Variants in NSF observed in about 807,000 individuals in gnomAD.
NSF encodes the protein vesicle-fusing ATPase.
NSF carries 14 observed loss-of-function variants against 50.3 expected under a neutral mutation model. That is an observed-to-expected ratio of 0.28 (90% confidence interval 0.18 to 0.44). The LOEUF (loss-of-function observed/expected upper bound fraction) is 0.44. NSF is among the 20% of genes least tolerant of loss of function. NSF has a pLI of 1.00. For missense variants in NSF, 218 were observed against 504.3 expected, an observed-to-expected ratio of 0.43 and a Z score of 5.44; for synonymous variants, 109 against 175.7, an observed-to-expected ratio of 0.62 and a Z score of 3.00.
At position 46,703,680 on chromosome 17, in the gene NSF, C is replaced by CAAAAAAAAAAAAAA. The variant is rs149212597; in HGVS notation, c.1375-1068_1375-1055dup. Among the ~76,000 whole-genome samples, 143 of 37,186 alleles carry CAAAAAAAAAAAAAA rather than the reference C, an allele frequency of 3.8e-3. 1 individual carries two copies. The highest frequency in any genetic ancestry group is 4.8e-3 in the South Asian group (4 of 836). 24.4% of individuals were successfully genotyped at this position (37,186 alleles called of 152,430 possible). The stretch of plus-strand genomic sequence containing the variant: ...TGGGGGACAGAGTGAGACTCCGTCT[C>CAAAAAAAAAAAAAA]AAAAAAAAAAAAAAAAAAAAAAAAC... On this transcript the variant is annotated intron_variant, in intron 12 of 20. Transcript: ENST00000398238.
chr17:46,723,387 T>C (rs953502434), intron 15 of NSF, among the ~76,000 whole-genome samples: 1 of 152,230 alleles, frequency 6.6e-6, no homozygotes, highest in African/African-American at 2.4e-5. Context: ...AGATACCACA[T>C]TGGCTGCGGT....
intron 17 of NSF, among the ~76,000 whole-genome samples, chr17:46,735,569 T>C (rs892353093): frequency 6.6e-6 from 1 of 152,092 alleles, no homozygotes; most frequent in Non-Finnish European, 1.5e-5. Context: ...ATCTGTAAAA[T>C]AGAGATAATT....
chr17:46,714,659 G>A (rs988625498), intron 15 of NSF, among the ~76,000 whole-genome samples: 5 of 152,138 alleles, frequency 3.3e-5, no homozygotes, highest in Admixed American at 6.5e-5. Context: ...AAAAATCAAT[G>A]ATGAAGACTT....
intron 16 of NSF, among the ~76,000 whole-genome samples, chr17:46,728,241 A>G (rs1049253900): frequency 6.6e-6 from 1 of 152,144 alleles, no homozygotes; most frequent in Non-Finnish European, 1.5e-5. Context: ...CTGAGGGCCA[A>G]TCTTAGTGGT....
intron 17 of NSF, among the ~76,000 whole-genome samples, chr17:46,747,763 T>G (rs940014601): frequency 2.6e-5 from 4 of 152,046 alleles, no homozygotes; most frequent in African/African-American, 9.7e-5. Context: ...AATAAGAAAA[T>G]TAGAAGATTA....
intron 1 of NSF, among the ~76,000 whole-genome samples, chr17:46,613,143 T>A (rs865920020): frequency 5.9e-4 from 24 of 40,904 alleles, no homozygotes; most frequent in African/African-American, 1.7e-3. Flanking sequence ...CTGGGTATGG[T>A]GGTGTGTGCC....
intron 20 of NSF, 175 bp downstream of exon 20, chr17:46,755,544 C>A (rs1344105307): frequency 1.4e-5 from 10 of 693,132 alleles, no homozygotes; most frequent in Non-Finnish European, 2.2e-5. Context: ...TTGGTTTGCT[C>A]TCCCTGTCCT....
intron 13 of NSF, among the ~76,000 whole-genome samples, chr17:46,708,586 G>T (rs2058681353): frequency 6.8e-6 from 1 of 147,566 alleles, no homozygotes; most frequent in Admixed American, 6.8e-5. Context: ...CTGCCTCCCA[G>T]GTTTAAGTGA....
rs149212597 is a variant in NSF at position 46,703,680 on chromosome 17, C to CAAAAAAAAAAAAAAA, written c.1375-1069_1375-1055dup. Among the ~76,000 whole-genome samples, 206 of 37,160 alleles carry CAAAAAAAAAAAAAAA rather than the reference C, an allele frequency of 5.5e-3. 2 individuals are homozygous for CAAAAAAAAAAAAAAA. Among genetic ancestry groups the CAAAAAAAAAAAAAAA allele is most frequent in the Non-Finnish European group, 6.6e-3 (129 of 19,662 alleles). The allele number at this position is 37,160 out of a possible 152,430, so 24.4% of individuals were successfully genotyped here. ...TGGGGGACAGAGTGAGACTCCGTCT[C>CAAAAAAAAAAAAAAA]AAAAAAAAAAAAAAAAAAAAAAAAC... On this transcript the variant is annotated intron_variant, in intron 12 of 20. Coordinates refer to ENST00000398238, the MANE Select transcript of NSF (RefSeq NM_006178.4).
At chr17:46,716,461 G>T (rs1482019464) in intron 15 of NSF, among the ~76,000 whole-genome samples, 1 of 152,084 alleles carries the variant, frequency 6.6e-6, no homozygotes, top group Non-Finnish European at 1.5e-5. Context: ...GTTTCACCGT[G>T]TTAGCCAGGA....
chr17:46,737,572 CGTGTGTGTGT>C (rs10564190), intron 17 of NSF, among the ~76,000 whole-genome samples: 2 of 147,272 alleles, frequency 1.4e-5, no homozygotes, highest in Non-Finnish European at 3.0e-5. Flanking sequence ...GGTGTGTGTG[CGTGTGTGTGT>C]GTGTGTGTGT....
At position 46,681,525 on chromosome 17, in the gene NSF, G is replaced by A. The variant is rs532319733; in HGVS notation, c.945+6912G>A. Among the ~76,000 whole-genome samples the A allele has an allele frequency of 1.0e-3, 155 of 149,632 alleles. 1 individual carries two copies. Among genetic ancestry groups the A allele is most frequent in the African/African-American group, 3.7e-3 (148 of 40,142 alleles). ...AATGAATAATAGATTTACATAGATC[G>A]ACATGAATAACACTCAGAAATATAA... On this transcript the variant is annotated intron_variant, in intron 9 of 20. Transcript: ENST00000398238.
At chr17:46,751,226 TTTA>T (rs1276066622) in intron 18 of NSF, among the ~76,000 whole-genome samples, 1 of 152,208 alleles carries the variant, frequency 6.6e-6, no homozygotes, top group East Asian at 1.9e-4. Context: ...TTAACTTATA[TTTA>T]TTATGGATTG....
chr17:46,737,986 G>A (rs976773558), intron 17 of NSF, among the ~76,000 whole-genome samples: 2 of 151,816 alleles, frequency 1.3e-5, no homozygotes, highest in East Asian at 3.9e-4. Flanking sequence ...CCAGGGTGGA[G>A]TGCAGTGACG....
At chr17:46,717,674 T>G (rs1000555647) in intron 15 of NSF, among the ~76,000 whole-genome samples, 2 of 152,156 alleles carry the variant, frequency 1.3e-5, no homozygotes, top group African/African-American at 4.8e-5. Context: ...AGCACACCAC[T>G]GCACTCCAGC....
intron 15 of NSF, among the ~76,000 whole-genome samples, chr17:46,716,963 C>G (rs2146272646): frequency 6.6e-6 from 1 of 152,102 alleles, no homozygotes; most frequent in East Asian, 1.9e-4. Context: ...CTGAACAATC[C>G]CTTTTTGTTG....
At chr17:46,750,330 G>C (rs1307670322) in intron 18 of NSF, among the ~76,000 whole-genome samples, 1 of 152,188 alleles carries the variant, frequency 6.6e-6, no homozygotes, top group African/African-American at 2.4e-5. Context: ...TCCAGTCTGG[G>C]TGAGGGAGCA....
chr17:46,684,450 G>A (rs1342011479), intron 9 of NSF, among the ~76,000 whole-genome samples: 4 of 152,034 alleles, frequency 2.6e-5, no homozygotes, highest in Non-Finnish European at 5.9e-5. Flanking sequence ...CTTTATAGTC[G>A]AATGATTGTA....
chr17:46,730,137 T>C (rs555550199), intron 17 of NSF, among the ~76,000 whole-genome samples: 2 of 152,176 alleles, frequency 1.3e-5, no homozygotes, highest in South Asian at 4.2e-4. Flanking sequence ...TCCTCCAATG[T>C]TTTCATAAAT....
Sources: gnomAD v4.1 joint callset for allele counts (sites outside exome capture counted in the v4.1 genomes callset) on GRCh38, gnomAD v4.1.1 for gene constraint, MANE v1.5 for transcripts, NCBI Gene and HGNC (gene_info 2026-07-23, HGNC 2026-07-21) for gene names.